Variants in RARB observed in about 807,000 individuals in gnomAD.
RARB encodes the protein retinoic acid receptor beta.
In RARB, 17 loss-of-function variants were observed where a neutral mutation model predicts 51.9. The observed-to-expected ratio is 0.33, with a 90% CI of 0.22 to 0.49. The LOEUF (loss-of-function observed/expected upper bound fraction) is 0.49, where lower values mean the gene tolerates loss of function less well. Ranked by LOEUF, RARB falls within the 20% of genes least tolerant of loss-of-function variation. The pLI is 0.99. For synonymous variants in RARB, 215 were observed against 195.4 expected, an observed-to-expected ratio of 1.10 and a Z score of -0.84; for missense variants, 369 against 550.8, an observed-to-expected ratio of 0.67 and a Z score of 3.30.
chr3:25,544,605 G>A lies in RARB; in HGVS notation c.449-25153G>A, dbSNP rs186565280. On this transcript the variant is annotated intron_variant, in intron 3 of 7. Coordinates refer to ENST00000330688, the MANE Select transcript of RARB (RefSeq NM_000965.5). The stretch of plus-strand genomic sequence containing the variant: ...CTCCTCTTCCTTCTCCTGGTAGATT[G>A]TAGAACTGCTCATCTGGAATTTGGG... 4.0e-3 allele frequency among the ~76,000 whole-genome samples: 610 copies of A among 152,270 alleles called. 3 individuals carry two copies. The highest frequency in any genetic ancestry group is 0.014 in the African/African-American group (566 of 41,544).
intron 3 of RARB, among the ~76,000 whole-genome samples, chr3:25,119,928 AG>A (rs1331401332): frequency 6.6e-6 from 1 of 152,152 alleles, no homozygotes; most frequent in East Asian, 1.9e-4. Context: ...AAGTAGAACA[AG>A]GGCTGGATGA....
In RARB at chr3:24,908,678, T is replaced by G. The variant is rs953359332; in HGVS notation, c.-380+49926T>G. On this transcript the variant is annotated intron_variant, in intron 2 of 11. Coordinates refer to the RARB transcript ENST00000383772. ...AACCACAACTGTTTTTTTTTTTTTT[T>G]TTTTTTTTTTACTAACCTACAGTTA... 6.1e-5 allele frequency among the ~76,000 whole-genome samples: 9 copies of G among 147,530 alleles called. No homozygotes were observed. In the East Asian group the frequency reaches 1.8e-3, roughly 29 times the overall value.
At chr3:25,170,009 G>A (rs201359933) in intron 4 of RARB, among the ~76,000 whole-genome samples, 53 of 97,866 alleles carry the variant, frequency 5.4e-4, no homozygotes, top group South Asian at 1.7e-3. Flanking sequence ...AAAAAAAAAA[G>A]AAAGAAAAAA....
intron 5 of RARB, among the ~76,000 whole-genome samples, chr3:25,307,314 G>C (rs1704176688): frequency 6.6e-6 from 1 of 151,912 alleles, no homozygotes; most frequent in Non-Finnish European, 1.5e-5. Flanking sequence ...TTGAACCTAG[G>C]AGGCGGAGGT....
At chr3:25,387,401 T>C (rs527868641) in intron 5 of RARB, among the ~76,000 whole-genome samples, 2 of 152,174 alleles carry the variant, frequency 1.3e-5, no homozygotes, top group African/African-American at 4.8e-5. Flanking sequence ...ACCTTATGGG[T>C]AGGAAACACA....
chr3:25,060,177 G>T lies in RARB; in HGVS notation c.-328+1G>T, dbSNP rs1166456880. 6.6e-6 allele frequency: 1 copy of T among 151,588 alleles called. No homozygotes were observed. The allele number at this position is 151,588 out of a possible 1,614,324, so 9.4% of individuals were successfully genotyped here. A position where few individuals can be genotyped will look rare whatever the true frequency, so the allele number is the denominator to read the frequency against. ...TAACTTGCCCTAAGACCCATACCTG[G>T]TAAGTAATGAAAGAAAAAGTAAATT... On this transcript the variant is annotated splice_donor_variant, in intron 3 of 11. Coordinates refer to the RARB transcript ENST00000383772. LOFTEE classifies it low-confidence loss of function (5UTR_SPLICE).
intron 2 of RARB, among the ~76,000 whole-genome samples, chr3:25,041,296 G>T (rs1191802578): frequency 1.3e-5 from 2 of 152,072 alleles, no homozygotes; most frequent in Admixed American, 1.3e-4. Context: ...TATATTTGAT[G>T]AATTTTTCTA....
At chr3:25,286,144 A>G (rs1368007365) in intron 5 of RARB, among the ~76,000 whole-genome samples, 5 of 120,662 alleles carry the variant, frequency 4.1e-5, no homozygotes, top group Non-Finnish European at 7.9e-5. Flanking sequence ...GCTGGAGTGC[A>G]GTGGCATGAT....
intron 2 of RARB, among the ~76,000 whole-genome samples, chr3:25,466,646 C>T (rs1274492932): frequency 6.6e-6 from 1 of 152,180 alleles, no homozygotes; most frequent in African/African-American, 2.4e-5. Context: ...CTTCAAGGCT[C>T]ACATTAAGAC....
chr3:25,585,959 G>T (rs1701368436), intron 5 of RARB, among the ~76,000 whole-genome samples: 1 of 152,148 alleles, frequency 6.6e-6, no homozygotes, highest in African/African-American at 2.4e-5. Context: ...GCCAGGACTG[G>T]GTGGGCAGGA....
chr3:25,088,224 C>G (rs147237220), intron 3 of RARB, among the ~76,000 whole-genome samples: 276 of 152,178 alleles, frequency 1.8e-3, no homozygotes, highest in Middle Eastern at 3.4e-3. Flanking sequence ...TCACACTTCT[C>G]TTTGCTGTTT....
chr3:24,919,897 G>C (rs1422919877), intron 2 of RARB, among the ~76,000 whole-genome samples: 1 of 152,118 alleles, frequency 6.6e-6, no homozygotes, highest in African/African-American at 2.4e-5. Context: ...GTGTACAAAA[G>C]TCCAAAATGG....
In RARB at chr3:25,501,144, G is replaced by T. The variant is rs371209697; in HGVS notation, c.307-38G>T. The stretch of plus-strand genomic sequence containing the variant: ...CTTTGATTTCTGATGAAGCTCATTT[G>T]CTTTACTGAGTTTTTTCATCTTCTT... On this transcript the variant is annotated intron_variant, in intron 2 of 7. Transcript: ENST00000330688. 1.4e-5 allele frequency: 21 copies of T among 1,546,680 alleles called. 1 individual carries two copies. Among genetic ancestry groups the T allele is most frequent in the African/African-American group, 2.8e-5 (2 of 70,882 alleles).
chr3:25,121,586 T>C (rs950516168), intron 3 of RARB, among the ~76,000 whole-genome samples: 1 of 152,122 alleles, frequency 6.6e-6, no homozygotes, highest in African/African-American at 2.4e-5. Flanking sequence ...GAATCCAATG[T>C]GTAGGTGGAA....
At chr3:25,524,417 C>A (rs1352997698) in intron 3 of RARB, among the ~76,000 whole-genome samples, 1 of 152,152 alleles carries the variant, frequency 6.6e-6, no homozygotes, top group Non-Finnish European at 1.5e-5. Flanking sequence ...GAACCTTTCT[C>A]CAACAGACAT....
chr3:24,953,808 T>C (rs1032712279), intron 2 of RARB, among the ~76,000 whole-genome samples: 5 of 152,204 alleles, frequency 3.3e-5, no homozygotes, highest in African/African-American at 1.2e-4. Flanking sequence ...ATTTATGGTG[T>C]GCCGTGCCCA....
chr3:24,933,580 G>A lies in RARB; in HGVS notation c.-380+74828G>A, dbSNP rs1430255268. 2.0e-5 allele frequency among the ~76,000 whole-genome samples: 3 copies of A among 152,094 alleles called. No individual in the cohort carries two copies. In the South Asian group the frequency reaches 6.2e-4, roughly 31 times the overall value. On this transcript the variant is annotated intron_variant, in intron 2 of 11. Transcript: ENST00000383772. ...GTAAGGGCTTATGGGCAGAGCAAAT[G>A]AGGACTCTACAGCTAAGACATATAC... is the stretch of plus-strand genomic sequence containing the variant.
chr3:25,546,209 G>C (rs963712031), intron 3 of RARB, among the ~76,000 whole-genome samples: 32 of 152,250 alleles, frequency 2.1e-4, no homozygotes, highest in African/African-American at 6.3e-4. Flanking sequence ...GCCACAGGAA[G>C]AGATCCTGTT....
intron 5 of RARB, among the ~76,000 whole-genome samples, chr3:25,310,660 C>A (rs991822934): frequency 6.6e-6 from 1 of 152,188 alleles, no homozygotes; most frequent in Non-Finnish European, 1.5e-5. Flanking sequence ...CACTCATCTA[C>A]TGCGTGACTA....
Sources: gnomAD v4.1 joint callset for allele counts (sites outside exome capture counted in the v4.1 genomes callset) on GRCh38, gnomAD v4.1.1 for gene constraint, MANE v1.5 for transcripts, NCBI Gene and HGNC (gene_info 2026-07-23, HGNC 2026-07-21) for gene names.